TCF7: variants seen among roughly 807,000 people sequenced by gnomAD.
TCF7 encodes T-cell-factor-7.
A neutral mutation model predicts 46.8 loss-of-function variants in TCF7; 19 were observed. The observed-to-expected ratio is 0.41, with a 90% confidence interval of 0.28 to 0.60. TCF7 has a LOEUF of 0.60. Ranked by LOEUF, TCF7 falls within the 20% of genes least tolerant of loss-of-function variation. TCF7 has a pLI of 0.35. For missense variants in TCF7, 547 were observed against 504.6 expected (o/e 1.08, Z -0.81); for synonymous variants, 245 against 213.4 (o/e 1.15, Z -1.29).
chr5:134,137,018 T>C (rs1288431062), intron 3 of TCF7, among the ~76,000 whole-genome samples: 4 of 152,238 alleles, frequency 2.6e-5, no homozygotes, highest in Non-Finnish European at 4.4e-5. Flanking sequence ...GAGGATACTG[T>C]AGAGCTGGGC....
chr5:134,131,462 C>T (rs1758118273), intron 3 of TCF7, among the ~76,000 whole-genome samples: 1 of 152,204 alleles, frequency 6.6e-6, no homozygotes, highest in African/African-American at 2.4e-5. Flanking sequence ...GCACAAGGCT[C>T]AAGGTGGAGA....
chr5:134,142,754 G>A lies in TCF7; in HGVS notation c.789G>A (p.Glu263=). 2 of 1,614,182 alleles carry A rather than the reference G, an allele frequency of 1.2e-6. No homozygotes were observed. Among genetic ancestry groups the A allele is most frequent in the Non-Finnish European group, 1.7e-6 (2 of 1,180,030 alleles). ...KTQAESKAEK[E]AKKPTIKKPL... ...AAGCAGAGTCCAAGGCAGAGAAGGA[G>A]GCCAAGAAGCCAACCATCAAGAAGC... is the stretch of plus-strand genomic sequence containing the variant. The change falls in exon 7 of 10, where the codon GAG becomes GAA. Residue 263 remains glutamate, a synonymous_variant. Transcript: ENST00000342854.
intron 9 of TCF7, 174 bp from the exon 10 acceptor site, chr5:134,146,050 G>A: frequency 6.5e-7 from 1 of 1,548,698 alleles, no homozygotes; most frequent in South Asian, 1.2e-5. Context: ...ACCTGTCCTA[G>A]GTCTGGGCCA....
chr5:134,116,320 G>T (rs1318007206), intron 3 of TCF7, among the ~76,000 whole-genome samples: 2 of 152,212 alleles, frequency 1.3e-5, no homozygotes, highest in African/African-American at 4.8e-5. Flanking sequence ...TGCCAGGGTG[G>T]GGTCTTCTTA....
At chr5:134,108,495 G>A in the TCF7 span, among the ~76,000 whole-genome samples, 20 of 152,280 alleles carry the variant, frequency 1.3e-4, no homozygotes, top group South Asian at 6.2e-4. Context: ...ACCACATCCC[G>A]TTGCTCCTTC....
intron 3 of TCF7, among the ~76,000 whole-genome samples, chr5:134,129,442 G>A (rs1757802994): frequency 3.3e-5 from 5 of 152,184 alleles, no homozygotes; most frequent in Admixed American, 3.3e-4. Context: ...CTGGATGGCT[G>A]GGCACTGATG....
chr5:134,137,610 G>A (rs140731739), intron 3 of TCF7, among the ~76,000 whole-genome samples: 271 of 152,252 alleles, frequency 1.8e-3, no homozygotes, highest in Admixed American at 4.2e-3. Context: ...CCTGAGCTAA[G>A]ACAAATGGTC....
At chr5:134,120,870 T>A (rs1375902056) in intron 3 of TCF7, among the ~76,000 whole-genome samples, 1 of 152,196 alleles carries the variant, frequency 6.6e-6, no homozygotes, top group African/African-American at 2.4e-5. Context: ...CTCCCAGATT[T>A]GGAGTGAGGA....
At chr5:134,135,288 AG>A (rs1306933972) in intron 3 of TCF7, among the ~76,000 whole-genome samples, 1 of 152,136 alleles carries the variant, frequency 6.6e-6, no homozygotes, top group Non-Finnish European at 1.5e-5. Flanking sequence ...GCCCCAGGTC[AG>A]GAGATACCGT....
chr5:134,128,955 T>G (rs1757723501), intron 3 of TCF7, among the ~76,000 whole-genome samples: 1 of 152,230 alleles, frequency 6.6e-6, no homozygotes, highest in African/African-American at 2.4e-5. Context: ...AGAGCCACAC[T>G]GCTAGCCAAT....
chr5:134,146,242 T>C lies in TCF7; in HGVS notation c.1094T>C (p.Phe365Ser). The C allele has an allele frequency of 6.2e-7, 1 of 1,614,170 alleles. No homozygotes were observed. The highest frequency in any genetic ancestry group is 8.5e-7 in the Non-Finnish European group (1 of 1,180,028). The change falls in exon 10 of 10, where the codon TTC becomes TCC. Residue 365 changes from phenylalanine (F) to serine (S), a missense_variant. By Grantham distance (155) the Phe-to-Ser change is radical. Around this residue, in one of 3 missense-constraint regions of TCF7, gnomAD observed 90 missense variants for 88.8 expected, o/e 1.01. Coordinates refer to ENST00000342854, the MANE Select transcript of TCF7 (RefSeq NM_003202.5). ...ESTTGGKRNA[F>S]GTYPEKAAAP... ...TTCCTAGGAGGAAAAAGAAATGCATTCGGTACTTACCCGGAGAAGGCCGCT... is the reference window on the plus strand; with the variant it reads ...TTCCTAGGAGGAAAAAGAAATGCATCCGGTACTTACCCGGAGAAGGCCGCT...
At chr5:134,116,959 G>T (rs907617922) in intron 3 of TCF7, among the ~76,000 whole-genome samples, 1 of 152,232 alleles carries the variant, frequency 6.6e-6, no homozygotes, top group Non-Finnish European at 1.5e-5. Context: ...CTGGAGGCTC[G>T]CATGGCTACA....
rs1459322709 is a variant in TCF7 at position 134,114,848 on chromosome 5, G to A, written c.-59G>A. The A allele has an allele frequency of 1.9e-5, 19 of 981,958 alleles. No individual in the cohort carries two copies. Among genetic ancestry groups the A allele is most frequent in the African/African-American group, 3.5e-5 (2 of 56,610 alleles). 60.8% of individuals were successfully genotyped at this position (981,958 alleles called of 1,614,324 possible). A position where few individuals can be genotyped will look rare whatever the true frequency, so the allele number is the denominator to read the frequency against. On this transcript the variant is annotated 5_prime_UTR_variant, in exon 1 of 10. Coordinates refer to ENST00000342854, the MANE Select transcript of TCF7 (RefSeq NM_003202.5). ...TCCGGGCTCGCCGCCCCCCGGGCCG[G>A]CTCCGCGCCCCGCACTCCCGGCGCC...
intron 3 of TCF7, among the ~76,000 whole-genome samples, chr5:134,118,199 C>T (rs1756089427): frequency 6.6e-6 from 1 of 152,212 alleles, no homozygotes; most frequent in Admixed American, 6.5e-5. Flanking sequence ...CAGGAATGAT[C>T]TTCTTTTCTT....
In TCF7 at chr5:134,146,645, C is replaced by T; in HGVS notation, c.*342C>T. 1 of 658,202 alleles carries T rather than the reference C, an allele frequency of 1.5e-6. No homozygotes were observed. Among genetic ancestry groups the T allele is most frequent in the Non-Finnish European group, 2.7e-6 (1 of 368,122 alleles). The allele number at this position is 658,202 out of a possible 1,614,324, so 40.8% of individuals were successfully genotyped here. A position where few individuals can be genotyped will look rare whatever the true frequency, so the allele number is the denominator to read the frequency against. On this transcript the variant is annotated 3_prime_UTR_variant, in exon 10 of 10. Transcript: ENST00000342854. ...CTCAGGGTCCAGACCCTGAAGATTT[C>T]AGAGGCTGCAGGACTTCTGCCTGAA...
At chr5:134,110,385 T>C (rs186297910), upstream of TCF7, among the ~76,000 whole-genome samples, 195 of 152,314 alleles carry the variant, frequency 1.3e-3, 1 homozygote, top group Admixed American at 2.7e-3. Context: ...TGCTTCATTT[T>C]AAGGGCAGCT....
At chr5:134,128,894 A>G (rs1441896839) in intron 3 of TCF7, among the ~76,000 whole-genome samples, 1 of 152,160 alleles carries the variant, frequency 6.6e-6, no homozygotes, top group Non-Finnish European at 1.5e-5. Context: ...GAGAATCAAA[A>G]TCACCTCCTT....
intron 3 of TCF7, among the ~76,000 whole-genome samples, chr5:134,127,883 C>T (rs1459323426): frequency 6.6e-6 from 1 of 152,214 alleles, no homozygotes; most frequent in Non-Finnish European, 1.5e-5. Context: ...GACATACTTG[C>T]TTTTGATTTT....
chr5:134,144,942 C>T (rs1760467181), intron 9 of TCF7: 2 of 1,364,422 alleles, frequency 1.5e-6, no homozygotes, highest in Non-Finnish European at 2.1e-6. Flanking sequence ...TTCCACTGGG[C>T]CTGCAGCCCA....
Sources: gnomAD v4.1 joint callset for allele counts (sites outside exome capture counted in the v4.1 genomes callset) on GRCh38, gnomAD v4.1.1 for gene constraint, gnomAD v4.1.1 regional missense constraint, MANE v1.5 for transcripts, NCBI Gene and HGNC (gene_info 2026-07-23, HGNC 2026-07-21) for gene names.